PLXNA2: variants seen among roughly 807,000 people sequenced by gnomAD.
The protein encoded by PLXNA2 is plexin A2.
A neutral mutation model predicts 193.5 loss-of-function variants in PLXNA2; 91 were observed. The observed-to-expected ratio is 0.47, with a 90% CI of 0.40 to 0.56. PLXNA2 has a LOEUF of 0.56. PLXNA2 is among the 20% of genes least tolerant of loss of function. The pLI is 0.00. For synonymous variants in PLXNA2, 997 were observed against 1,027.3 expected (o/e 0.97, Z 0.56); for missense variants, 1,995 against 2,503.2 (o/e 0.80, Z 4.33).
chr1:208,184,571 A>G (rs1781028), intron 3 of PLXNA2, among the ~76,000 whole-genome samples: 147,915 of 152,190 alleles, frequency 0.97, 72,031 homozygotes, highest in East Asian at 1. Context: ...CTGGGGATGA[A>G]GCAAGCAGTT....
chr1:208,079,397 C>T lies in PLXNA2; in HGVS notation c.2449G>A (p.Ala817Thr). The T allele has an allele frequency of 1.2e-6, 2 of 1,613,222 alleles. No individual in the cohort carries two copies. Among genetic ancestry groups the T allele is most frequent in the Non-Finnish European group, 1.7e-6 (2 of 1,179,570 alleles). Residue 817 changes from alanine to threonine, a missense_variant, in exon 12 of 32, where the codon GCC (alanine) becomes ACC (threonine). Around this residue, in one of 3 missense-constraint regions of PLXNA2, gnomAD observed 1,291 missense variants for 1,673.6 expected, o/e 0.77. Transcript: ENST00000367033. Reference protein sequence around the residue: ...QRESCGLCLKADRKFECGWCS... With the variant: ...QRESCGLCLKTDRKFECGWCS... ...CAGCCACACTCAAACTTCCGGTCGG[C>T]CTTGAGGCAGAGGCCGCAGCTCTCC...
intron 20 of PLXNA2, among the ~76,000 whole-genome samples, chr1:208,043,872 A>C (rs1185925535): frequency 6.6e-6 from 1 of 152,230 alleles, no homozygotes; most frequent in African/African-American, 2.4e-5. Flanking sequence ...TTCATTCCTA[A>C]TTGAGCTGTT....
intron 1 of PLXNA2, among the ~76,000 whole-genome samples, chr1:208,242,734 T>C (rs886198700): frequency 3.3e-5 from 5 of 152,300 alleles, no homozygotes; most frequent in African/African-American, 9.6e-5. Flanking sequence ...GCAAGGGTCA[T>C]TCCAAACAGG....
chr1:208,217,594 G>T lies in PLXNA2; in HGVS notation c.329C>A (p.Thr110Asn). 1 of 1,614,222 alleles carries T rather than the reference G, an allele frequency of 6.2e-7. No homozygotes were observed. The highest frequency in any genetic ancestry group is 8.5e-7 in the Non-Finnish European group (1 of 1,180,044). ...VQPCSEVLTL[T>N]NNVNKLLIID... ...GATGAGCAGCTTGTTGACATTGTTG[G>T]TGAGGGTGAGCACTTCGCTGCAGGG... The change falls in exon 2 of 32, where the codon ACC (threonine) becomes AAC (asparagine). Residue 110 changes from threonine (T) to asparagine (N), a missense_variant. Around this residue, in one of 3 missense-constraint regions of PLXNA2, gnomAD observed 702 missense variants for 812.9 expected, o/e 0.86. Transcript: ENST00000367033. This position sits in a 1 kb window ranked among gnomAD's most constrained non-coding sequence, Gnocchi z 4.7.
chr1:208,181,684 T>C (rs1415187984), intron 3 of PLXNA2, among the ~76,000 whole-genome samples: 1 of 152,174 alleles, frequency 6.6e-6, no homozygotes, highest in Non-Finnish European at 1.5e-5. Context: ...CCCTGCTCTC[T>C]GGCAAAACCT....
At chr1:208,070,672 T>C (rs1250374257) in intron 12 of PLXNA2, among the ~76,000 whole-genome samples, 1 of 152,246 alleles carries the variant, frequency 6.6e-6, no homozygotes. Context: ...TGCTAAAACT[T>C]ATTCTCAATG....
chr1:208,161,282 C>T (rs534805655), intron 3 of PLXNA2, among the ~76,000 whole-genome samples: 1 of 152,206 alleles, frequency 6.6e-6, no homozygotes, highest in East Asian at 1.9e-4. Context: ...TACCCTCTCC[C>T]TCTCCTTCCT....
chr1:208,176,709 G>T (rs925341139), intron 3 of PLXNA2, among the ~76,000 whole-genome samples: 3 of 152,198 alleles, frequency 2.0e-5, no homozygotes, highest in Non-Finnish European at 2.9e-5. Flanking sequence ...CTAAAACCTG[G>T]CATTATCTTT....
chr1:208,122,009 C>G (rs994552169), intron 4 of PLXNA2, among the ~76,000 whole-genome samples: 5 of 152,160 alleles, frequency 3.3e-5, no homozygotes, highest in Non-Finnish European at 7.3e-5. Context: ...CCCACCTGCA[C>G]ACAACTGTGA....
At position 208,044,805 on chromosome 1, in the gene PLXNA2, G is replaced by T; in HGVS notation, c.3640-63C>A. On this transcript the variant is annotated intron_variant, in intron 19 of 31. Transcript: ENST00000367033. This position sits in a 1 kb window ranked among gnomAD's most constrained non-coding sequence, Gnocchi z 4.9. ...ACAGGTGTAGAGCCCGGGCATGCCA[G>T]CAGATCCTTACAGTGCGAGGAAGGA... 1.5e-6 allele frequency: 2 copies of T among 1,329,758 alleles called. No homozygotes were observed. Among genetic ancestry groups the T allele is most frequent in the Non-Finnish European group, 1.1e-6 (1 of 940,838 alleles). The allele number at this position is 1,329,758 out of a possible 1,614,324, so 82.4% of individuals were successfully genotyped here. A position where few individuals can be genotyped will look rare whatever the true frequency, so the allele number is the denominator to read the frequency against.
At chr1:208,241,631 C>T (rs982088194) in intron 1 of PLXNA2, among the ~76,000 whole-genome samples, 3 of 152,332 alleles carry the variant, frequency 2.0e-5, no homozygotes, top group Non-Finnish European at 2.9e-5. Context: ...CCCTGCACAT[C>T]GCTCCAAATG....
intron 4 of PLXNA2, among the ~76,000 whole-genome samples, chr1:208,121,163 C>T (rs1220196063): frequency 3.9e-5 from 6 of 152,248 alleles, no homozygotes; most frequent in East Asian, 3.9e-4. Context: ...TTTCCATCCC[C>T]GGGGAAACCT....
chr1:208,029,915 C>T (rs1414726579), intron 29 of PLXNA2: 2 of 985,380 alleles, frequency 2.0e-6, no homozygotes, highest in Non-Finnish European at 1.2e-6. Context: ...CTTTTGACTC[C>T]TCTGTGGAAC....
chr1:208,102,356 C>T (rs544932382), intron 5 of PLXNA2, among the ~76,000 whole-genome samples: 1 of 152,240 alleles, frequency 6.6e-6, no homozygotes, highest in Non-Finnish European at 1.5e-5. Flanking sequence ...CATTGGGCAA[C>T]AGAATTCCTA....
chr1:208,151,594 C>T (rs192648166), intron 3 of PLXNA2, among the ~76,000 whole-genome samples: 26 of 152,300 alleles, frequency 1.7e-4, no homozygotes, highest in Admixed American at 4.6e-4. Flanking sequence ...ATGGTGCTTT[C>T]GAATAGCTTC....
At chr1:208,088,196 G>A (rs1047411829) in intron 9 of PLXNA2, among the ~76,000 whole-genome samples, 4 of 152,140 alleles carry the variant, frequency 2.6e-5, no homozygotes, top group African/African-American at 4.8e-5. Context: ...CAGGGGTGGC[G>A]GTAGGCTGGG....
chr1:208,160,117 C>A (rs1300938842), intron 3 of PLXNA2, among the ~76,000 whole-genome samples: 1 of 152,218 alleles, frequency 6.6e-6, no homozygotes, highest in Admixed American at 6.5e-5. Context: ...CAGTGAAACC[C>A]AACCCGTCTC....
chr1:208,136,892 T>A (rs1485515207), intron 4 of PLXNA2, among the ~76,000 whole-genome samples: 1 of 152,216 alleles, frequency 6.6e-6, no homozygotes, highest in Non-Finnish European at 1.5e-5. Context: ...CACCACCTTT[T>A]GAAAACACTA....
At chr1:208,034,423 AGCGAGTGGGCCCT>A in intron 27 of PLXNA2, 57 bp downstream of exon 27, 1 of 942,666 alleles carries the variant, frequency 1.1e-6, no homozygotes, top group Non-Finnish European at 1.7e-6. Flanking sequence ...TAGAAGGGGT[AGCGAGTGGGCCCT>A]GCTAGGTCTC....
Sources: allele counts gnomAD v4.1 joint callset (sites outside exome capture counted in the v4.1 genomes callset), GRCh38; gene constraint gnomAD v4.1.1; regional missense constraint gnomAD v4.1.1; non-coding constraint Gnocchi (gnomAD v3.1); transcripts MANE v1.5; gene names NCBI Gene and HGNC (gene_info 2026-07-23, HGNC 2026-07-21).